The following TES variants were observed in gnomAD, a reference collection of about 807,000 sequenced individuals.
The protein encoded by TES is testin.
Under a neutral mutation model 48.2 loss-of-function variants are expected in TES, and 41 were observed. The observed-to-expected ratio is 0.85, with a 90% CI of 0.66 to 1.10. The LOEUF (loss-of-function observed/expected upper bound fraction) is 1.10, where lower values mean the gene tolerates loss of function less well. Among genes scored for constraint, TES ranks in the 50% least tolerant of loss-of-function variants. The pLI, the probability that TES is intolerant of heterozygous loss-of-function variation, is 0.00. For synonymous variants in TES, 162 were observed against 174.9 expected (o/e 0.93, Z 0.58); for missense variants, 463 against 515.1 (o/e 0.90, Z 0.98).
At chr7:116,234,414 T>C in intron 1 of TES, 120 bp from the exon 2 acceptor site, 1 of 806,838 alleles carries the variant, frequency 1.2e-6, no homozygotes. Flanking sequence ...TGACTAAATA[T>C]AAGATTTGTT....
chr7:116,222,539 C>G (rs1304874366), intron 1 of TES, among the ~76,000 whole-genome samples: 1 of 152,194 alleles, frequency 6.6e-6, no homozygotes, highest in Non-Finnish European at 1.5e-5. Context: ...CATCCCCTCA[C>G]CCATGTATTA....
Position 116,258,314 on chromosome 7 carries a change from T to C in TES, c.*832T>C. 6.6e-6 allele frequency: 1 copy of C among 152,430 alleles called. No homozygotes were observed. The highest frequency in any genetic ancestry group is 1.5e-5 in the Non-Finnish European group (1 of 68,068). 9.4% of individuals were successfully genotyped at this position (152,430 alleles called of 1,614,324 possible). A position where few individuals can be genotyped will look rare whatever the true frequency, so the allele number is the denominator to read the frequency against. On this transcript the variant is annotated 3_prime_UTR_variant, in exon 7 of 7. Transcript: ENST00000358204. ...TAGTAGAGACAGGTTTTCACCATGTTAGCCAGGCTGGTCTCAAACTCCTGA... is the reference window on the plus strand; with the variant it reads ...TAGTAGAGACAGGTTTTCACCATGTCAGCCAGGCTGGTCTCAAACTCCTGA...
intron 2 of TES, among the ~76,000 whole-genome samples, chr7:116,243,080 C>T (rs773767513): frequency 7.2e-5 from 11 of 152,118 alleles, no homozygotes; most frequent in Non-Finnish European, 1.5e-4. Flanking sequence ...CCTTTTACTT[C>T]AGGCTTATTA....
chr7:116,220,418 G>T (rs926809447), intron 1 of TES, among the ~76,000 whole-genome samples: 1 of 152,142 alleles, frequency 6.6e-6, no homozygotes, highest in Non-Finnish European at 1.5e-5. Context: ...AGGAAGCAGC[G>T]CAGACTTTGA....
Position 116,240,079 on chromosome 7 carries a change from T to C in TES, c.113+5460T>C, listed in dbSNP as rs1799825222. Among the ~76,000 whole-genome samples the C allele has an allele frequency of 1.3e-5, 2 of 152,324 alleles. 1 individual carries two copies. The highest frequency in any genetic ancestry group is 1.3e-4 in the Admixed American group (2 of 15,304). On this transcript the variant is annotated intron_variant, in intron 2 of 6. Transcript: ENST00000358204. ...GATTGATTTAGAGCTGGGTGAAAAC[T>C]AAAAATTCCCTACCATAAATGGATT...
At position 116,210,640 on chromosome 7, in the gene TES, G is replaced by A. The variant is rs1374332520; in HGVS notation, c.-68G>A. 7.8e-7 allele frequency: 1 copy of A among 1,289,716 alleles called. No homozygotes were observed. The highest frequency in any genetic ancestry group is 2.5e-5 in the South Asian group (1 of 40,022). The allele number at this position is 1,289,716 out of a possible 1,614,324, so 79.9% of individuals were successfully genotyped here. A position where few individuals can be genotyped will look rare whatever the true frequency, so the allele number is the denominator to read the frequency against. ...GGTTTCCCGTGTTCGCAGCGGAGCC[G>A]GAGGCCAGCTGAACCCGGCCGTGGG... On this transcript the variant is annotated 5_prime_UTR_variant, in exon 1 of 7. Coordinates refer to ENST00000358204, the MANE Select transcript of TES (RefSeq NM_015641.4).
chr7:116,250,573 G>C (rs1037697300), intron 4 of TES, 77 bp downstream of exon 4: 6 of 1,184,592 alleles, frequency 5.1e-6, no homozygotes, highest in Non-Finnish European at 6.7e-6. Flanking sequence ...AACTTTTTTG[G>C]GGACTATTCC....
chr7:116,252,247 G>A (rs1800026402), intron 5 of TES, 71 bp from the exon 6 acceptor site: 1 of 1,474,698 alleles, frequency 6.8e-7, no homozygotes. Flanking sequence ...TAGACCCTGA[G>A]AAAGTATGTT....
intron 1 of TES, among the ~76,000 whole-genome samples, chr7:116,231,813 A>G (rs1188987220): frequency 6.6e-6 from 1 of 152,146 alleles, no homozygotes; most frequent in Non-Finnish European, 1.5e-5. Context: ...AATGCTGGTC[A>G]GCTGTGAAGC....
At chr7:116,220,980 A>T (rs907939202) in intron 1 of TES, among the ~76,000 whole-genome samples, 3 of 152,152 alleles carry the variant, frequency 2.0e-5, no homozygotes, top group Non-Finnish European at 4.4e-5. Context: ...ATAGATCTTC[A>T]TGCTATTTAA....
chr7:116,216,410 A>C (rs1375859890), intron 1 of TES, among the ~76,000 whole-genome samples: 1 of 152,096 alleles, frequency 6.6e-6, no homozygotes, highest in Non-Finnish European at 1.5e-5. Flanking sequence ...ATCCGAGTCC[A>C]CTATTTTTTG....
rs569629490 is a variant in TES, at chr7:116,252,253, A to C, written c.919-65A>C. 16 of 1,491,366 alleles carry C rather than the reference A, an allele frequency of 1.1e-5. No homozygotes were observed. The African/African-American group carries it at 2.0e-4, about 18-fold the overall frequency. 92.4% of individuals were successfully genotyped at this position (1,491,366 alleles called of 1,614,324 possible). ...TTCAAACTTTAGACCCTGAGAAAGT[A>C]TGTTGTTACAGATATAAATCTCTTA... is the stretch of plus-strand genomic sequence containing the variant. On this transcript the variant is annotated intron_variant, in intron 5 of 6. Coordinates refer to ENST00000358204, the MANE Select transcript of TES (RefSeq NM_015641.4).
At chr7:116,236,064 A>G (rs1799766867) in intron 2 of TES, among the ~76,000 whole-genome samples, 1 of 152,182 alleles carries the variant, frequency 6.6e-6, no homozygotes, top group African/African-American at 2.4e-5. Flanking sequence ...TGTCTCTTCA[A>G]GGGACATAGA....
Position 116,234,524 on chromosome 7 carries a change from T to C in TES, c.28-10T>C. The C allele has an allele frequency of 6.2e-7, 1 of 1,610,828 alleles. No individual in the cohort carries two copies. Among genetic ancestry groups the C allele is most frequent in the South Asian group, 1.1e-5 (1 of 90,286 alleles). On this transcript the variant is annotated splice_polypyrimidine_tract_variant and intron_variant, in intron 1 of 6. Transcript: ENST00000358204. ...CTAATAACAGATTCATGATGTTTTC[T>C]TTTTAACAGATGGGCTTAGGTCACG... is the stretch of plus-strand genomic sequence containing the variant.
intron 1 of TES, among the ~76,000 whole-genome samples, chr7:116,225,149 G>A (rs1480206586): frequency 9.1e-6 from 1 of 109,524 alleles, no homozygotes; most frequent in Non-Finnish European, 1.9e-5. Flanking sequence ...ACAACCCTCA[G>A]TGCTCATTTT....
At chr7:116,213,731 A>G (rs1032647939) in intron 1 of TES, among the ~76,000 whole-genome samples, 3 of 152,234 alleles carry the variant, frequency 2.0e-5, no homozygotes, top group African/African-American at 7.2e-5. Flanking sequence ...TTTTGTTTTA[A>G]TAATACTTTA....
chr7:116,243,092 GCCTTTTT>G lies in TES; in HGVS notation c.114-5924_114-5918del, dbSNP rs1799871019. Among the ~76,000 whole-genome samples, 5 of 151,764 alleles carry G rather than the reference GCCTTTTT, an allele frequency of 3.3e-5. 1 individual carries two copies. Among genetic ancestry groups the G allele is most frequent in the African/African-American group, 1.2e-4 (5 of 41,364 alleles). ...CTTCCTTTTACTTCAGGCTTATTAT[GCCTTTTT>G]CCTAACTTCCTGAGTTGAACACTTA... On this transcript the variant is annotated intron_variant, in intron 2 of 6. Coordinates refer to ENST00000358204, the MANE Select transcript of TES (RefSeq NM_015641.4).
rs990125017 is a variant in TES, at chr7:116,247,377, CAT to C, written c.114-1639_114-1638del. 3.3e-5 allele frequency among the ~76,000 whole-genome samples: 5 copies of C among 152,038 alleles called. No individual in the cohort carries two copies. The East Asian group carries it at 7.7e-4, about 23-fold the overall frequency. ...AAAGCCTCTTGCTTAAATAAGGAAACATATAATTTTTGTGGTTTTATTTAATT... is the reference window on the plus strand; with the variant it reads ...AAAGCCTCTTGCTTAAATAAGGAAACATAATTTTTGTGGTTTTATTTAATT... On this transcript the variant is annotated intron_variant, in intron 2 of 6. Coordinates refer to ENST00000358204, the MANE Select transcript of TES (RefSeq NM_015641.4).
chr7:116,218,312 G>GA (rs1799517474), intron 1 of TES, among the ~76,000 whole-genome samples: 2 of 88 alleles, frequency 0.023, no homozygotes, highest in Admixed American at 0.12. Flanking sequence ...CAGAAAAGAT[G>GA]GCATTCAGCC....
Sources: gnomAD v4.1 joint callset for allele counts (sites outside exome capture counted in the v4.1 genomes callset) on GRCh38, gnomAD v4.1.1 for gene constraint, MANE v1.5 for transcripts, NCBI Gene and HGNC (gene_info 2026-07-23, HGNC 2026-07-21) for gene names.